CDC14B: variants seen among roughly 807,000 people sequenced by gnomAD.
The protein encoded by CDC14B is dual specificity protein phosphatase CDC14B.
A neutral mutation model predicts 64.2 loss-of-function variants in CDC14B; 22 were observed. That is an observed-to-expected ratio of 0.34 (90% CI 0.24 to 0.49). The LOEUF is 0.49. Among genes scored for constraint, CDC14B ranks in the 20% least tolerant of loss-of-function variants. The pLI is 0.99. For missense variants in CDC14B, 498 were observed against 629.9 expected (o/e 0.79, Z 2.24); for synonymous variants, 191 against 215.8 (o/e 0.89, Z 1.01).
chr9:96,503,740 C>A lies in CDC14B; in HGVS notation c.*13G>T. The A allele has an allele frequency of 6.2e-7, 1 of 1,612,212 alleles. No individual in the cohort carries two copies. The highest frequency in any genetic ancestry group is 8.5e-7 in the Non-Finnish European group (1 of 1,178,430). ...CCTAGAGTCTTCCTTCAGCTCTGGT[C>A]ACAGGTTTTTACTTAACGCAAGACT... On this transcript the variant is annotated 3_prime_UTR_variant, in exon 14 of 14. Transcript: ENST00000375241.
chr9:96,608,904 C>G (rs887522569), intron 1 of CDC14B, among the ~76,000 whole-genome samples: 2 of 151,676 alleles, frequency 1.3e-5, no homozygotes, highest in African/African-American at 4.8e-5. Flanking sequence ...CACACACACA[C>G]ACACACACAC....
intron 1 of CDC14B, chr9:96,567,018 CCG>C: frequency 1.0e-5 from 14 of 1,378,214 alleles, no homozygotes; most frequent in African/African-American, 1.5e-5. Flanking sequence ...GGAAAAAGCC[CCG>C]CGCGCGACGA....
chr9:96,574,365 T>C (rs1443561476), intron 1 of CDC14B, among the ~76,000 whole-genome samples: 1 of 152,096 alleles, frequency 6.6e-6, no homozygotes, highest in African/African-American at 2.4e-5. Context: ...GTCCATGTTT[T>C]TGGGTGTGGG....
At chr9:96,592,555 C>G (rs932257529) in intron 1 of CDC14B, among the ~76,000 whole-genome samples, 8 of 152,106 alleles carry the variant, frequency 5.3e-5, no homozygotes, top group Non-Finnish European at 1.2e-4. Context: ...GTGGGTGGAT[C>G]ACAAGGTCAG....
chr9:96,615,916 C>T (rs184402398), intron 1 of CDC14B, among the ~76,000 whole-genome samples: 18 of 152,306 alleles, frequency 1.2e-4, no homozygotes, highest in African/African-American at 3.6e-4. Flanking sequence ...TATAAACAGA[C>T]ACATACATTG....
At chr9:96,540,552 C>A (rs1411308711) in intron 6 of CDC14B, among the ~76,000 whole-genome samples, 1 of 151,086 alleles carries the variant, frequency 6.6e-6, no homozygotes, top group African/African-American at 2.4e-5. Flanking sequence ...ATGCAAATGG[C>A]AATCTTTGAC....
downstream of CDC14B, among the ~76,000 whole-genome samples, chr9:96,496,861 A>T (rs1833269780): frequency 6.6e-6 from 1 of 152,152 alleles, no homozygotes; most frequent in Non-Finnish European, 1.5e-5. Context: ...GACAAGCGGC[A>T]TTGGAAGCGA....
At chr9:96,491,047 C>T (rs1833086237) in exon 14 of CDC14B, 2 of 152,290 alleles carry the variant, frequency 1.3e-5, no homozygotes, top group Admixed American at 6.5e-5. Flanking sequence ...AGAGCTGGAC[C>T]CAGAGCCACA....
At chr9:96,605,094 T>G (rs1001527072) in intron 1 of CDC14B, among the ~76,000 whole-genome samples, 1 of 151,822 alleles carries the variant, frequency 6.6e-6, no homozygotes, top group Non-Finnish European at 1.5e-5. Context: ...GGACACAACA[T>G]AGTGACAATA....
At chr9:96,574,984 G>T (rs1340033549) in intron 1 of CDC14B, among the ~76,000 whole-genome samples, 1 of 152,164 alleles carries the variant, frequency 6.6e-6, no homozygotes, top group East Asian at 1.9e-4. Flanking sequence ...AATTAGGATG[G>T]TTCTGGTTCA....
chr9:96,552,012 G>C, intron 4 of CDC14B, 140 bp from the exon 5 acceptor site: 1 of 1,116,526 alleles, frequency 9.0e-7, no homozygotes, highest in Non-Finnish European at 1.2e-6. Flanking sequence ...GAATCACCCA[G>C]AATCCTGTCC....
intron 4 of CDC14B, among the ~76,000 whole-genome samples, chr9:96,560,995 G>A (rs1843102409): frequency 6.6e-6 from 1 of 152,026 alleles, no homozygotes; most frequent in Non-Finnish European, 1.5e-5. Context: ...GGAGTGCAGT[G>A]GCACGATCTC....
intron 13 of CDC14B, chr9:96,493,309 A>T (rs1833134835): frequency 6.6e-6 from 1 of 152,404 alleles, no homozygotes; most frequent in Admixed American, 6.5e-5. Flanking sequence ...GTCTCCTCTC[A>T]GCCTTCTGCA....
intron 1 of CDC14B, among the ~76,000 whole-genome samples, chr9:96,601,567 G>A (rs571482878): frequency 1.2e-3 from 176 of 149,744 alleles, no homozygotes; most frequent in African/African-American, 4.0e-3. Context: ...AGGCCGAGGC[G>A]GCAGATCACT....
At chr9:96,600,731 G>A (rs562037271) in intron 1 of CDC14B, among the ~76,000 whole-genome samples, 2 of 152,170 alleles carry the variant, frequency 1.3e-5, no homozygotes, top group East Asian at 3.9e-4. Flanking sequence ...TCAAACTCCT[G>A]ACCTCAAGTG....
rs1190780531 is a variant in CDC14B, at chr9:96,502,059, T to A, written c.*1694A>T. 1.3e-5 allele frequency: 2 copies of A among 152,166 alleles called. No homozygotes were observed. Among genetic ancestry groups the A allele is most frequent in the African/African-American group, 4.8e-5 (2 of 41,438 alleles). The allele number at this position is 152,166 out of a possible 1,614,324, so 9.4% of individuals were successfully genotyped here. ...AAAATAGCAAAAGGAATGTTCCTCC[T>A]CCCACCCAAATCTTATTGAAGAGTA... On this transcript the variant is annotated 3_prime_UTR_variant, in exon 14 of 14. Transcript: ENST00000375241.
chr9:96,563,655 GAAAAAAAAAAAA>G (rs35893039), intron 3 of CDC14B, among the ~76,000 whole-genome samples: 2 of 81,616 alleles, frequency 2.5e-5, no homozygotes, highest in Admixed American at 2.8e-4. Context: ...TGTCTCACGG[GAAAAAAAAAAAA>G]AAAAAAAAGG....
intron 6 of CDC14B, among the ~76,000 whole-genome samples, chr9:96,539,761 A>G (rs1376784803): frequency 6.6e-6 from 1 of 152,264 alleles, no homozygotes; most frequent in Non-Finnish European, 1.5e-5. Flanking sequence ...CCTATCCTAT[A>G]GCCTTACTCT....
chr9:96,523,859 C>T, intron 9 of CDC14B, 134 bp from the exon 10 acceptor site: 1 of 820,508 alleles, frequency 1.2e-6, no homozygotes, highest in Non-Finnish European at 1.9e-6. Flanking sequence ...GCTGGTTACA[C>T]TCTGGAATCA....
Sources: gnomAD v4.1 joint callset for allele counts (sites outside exome capture counted in the v4.1 genomes callset) on GRCh38, gnomAD v4.1.1 for gene constraint, MANE v1.5 for transcripts, NCBI Gene and HGNC (gene_info 2026-07-23, HGNC 2026-07-21) for gene names.